The following PHC1 variants were observed in gnomAD, a reference collection of about 807,000 sequenced individuals.
PHC1 encodes polyhomeotic-like protein 1.
PHC1 carries 12 observed loss-of-function variants against 104.3 expected under a neutral mutation model. The ratio of observed to expected loss-of-function variants is 0.12; its 90% CI spans 0.07 to 0.19. The LOEUF is 0.19. Ranked by LOEUF, PHC1 falls within the 10% of genes least tolerant of loss-of-function variation. The pLI is 1.00. For synonymous variants in PHC1, 302 were observed against 455.8 expected (o/e 0.66, Z 4.30); for missense variants, 671 against 1,200.0 (o/e 0.56, Z 6.51).
chr12:8,925,498 G>C (rs530786696), intron 6 of PHC1, among the ~76,000 whole-genome samples: 14 of 152,284 alleles, frequency 9.2e-5, no homozygotes, highest in South Asian at 4.1e-4. Context: ...TTGGCATGGG[G>C]TGTAAAAGTC....
chr12:8,923,480 A>G (rs1358887806), intron 6 of PHC1, among the ~76,000 whole-genome samples: 1 of 152,146 alleles, frequency 6.6e-6, no homozygotes, highest in African/African-American at 2.4e-5. Flanking sequence ...TCATACCTGT[A>G]GGTTCTGCAT....
rs773868465 is a variant in PHC1, at chr12:8,921,621, G to A, written c.327G>A (p.Ser109=). ...CACAGATCAATCTGGCCACCACATC[G>A]GCCGCCCAGCTCATCAGCCGATCCC... ...TQASINLATT[S]AAQLISRSQS... is the part of the protein sequence containing the mutation. The change falls in exon 5 of 15, where the codon TCG becomes TCA. Residue 109 remains serine (S), a synonymous_variant. Transcript: ENST00000544916. The A allele has an allele frequency of 6.8e-6, 11 of 1,613,166 alleles. No individual in the cohort carries two copies. Among genetic ancestry groups the A allele is most frequent in the African/African-American group, 4.0e-5 (3 of 74,804 alleles).
chr12:8,917,295 T>C (rs1297665024), intron 1 of PHC1, among the ~76,000 whole-genome samples: 1 of 152,206 alleles, frequency 6.6e-6, no homozygotes, highest in Non-Finnish European at 1.5e-5. Flanking sequence ...TGGAAAGATT[T>C]TAAACTGTTA....
chr12:8,937,545 A>C (rs1945874644), intron 13 of PHC1, among the ~76,000 whole-genome samples: 1 of 152,146 alleles, frequency 6.6e-6, no homozygotes, highest in African/African-American at 2.4e-5. Context: ...ACTGTACTTG[A>C]GTACAATTGT....
chr12:8,925,053 G>T (rs1167591309), intron 6 of PHC1, among the ~76,000 whole-genome samples: 2 of 152,170 alleles, frequency 1.3e-5, no homozygotes, highest in Non-Finnish European at 2.9e-5. Flanking sequence ...TCATTCATCA[G>T]ATATTTGAGT....
chr12:8,920,339 A>G (rs934110194), intron 3 of PHC1, among the ~76,000 whole-genome samples: 1 of 152,256 alleles, frequency 6.6e-6, no homozygotes, highest in East Asian at 1.9e-4. Context: ...AAAATTATAA[A>G]TGTGGTTCAT....
intron 6 of PHC1, 85 bp from the exon 7 acceptor site, chr12:8,930,350 C>T: frequency 6.5e-7 from 1 of 1,534,800 alleles, no homozygotes; most frequent in East Asian, 2.4e-5. Flanking sequence ...GAATACGACA[C>T]AATAGCAGTC....
At chr12:8,937,783 T>TA in intron 13 of PHC1, 46 bp from the exon 14 acceptor site, 1 of 1,475,812 alleles carries the variant, frequency 6.8e-7, no homozygotes, top group Non-Finnish European at 9.5e-7. Flanking sequence ...GAGAGAGGAA[T>TA]AAACCTTTGA....
rs1419370980 is a variant in PHC1, at chr12:8,921,619, T to C, written c.325T>C (p.Ser109Pro). 26 of 1,613,666 alleles carry C rather than the reference T, an allele frequency of 1.6e-5. No individual in the cohort carries two copies. The highest frequency in any genetic ancestry group is 1.7e-4 in the Middle Eastern group (1 of 6,058). Residue 109 changes from serine to proline, a missense_variant, in exon 5 of 15, where the codon TCG (serine) becomes CCG (proline). This residue lies in a region of PHC1 where 237 missense variants were observed against 331.1 expected (regional missense o/e 0.72). Coordinates refer to ENST00000544916, the MANE Select transcript of PHC1 (RefSeq NM_004426.3). Reference sequence around the variant, plus strand: ...CACACAGATCAATCTGGCCACCACATCGGCCGCCCAGCTCATCAGCCGATC... The same window carrying C: ...CACACAGATCAATCTGGCCACCACACCGGCCGCCCAGCTCATCAGCCGATC... ...TQASINLATTSAAQLISRSQS... is the reference protein window; with the variant it reads ...TQASINLATTPAAQLISRSQS...
intron 14 of PHC1, among the ~76,000 whole-genome samples, chr12:8,938,360 ATTT>A (rs913127074): frequency 6.7e-6 from 1 of 149,714 alleles, no homozygotes; most frequent in Non-Finnish European, 1.5e-5. Flanking sequence ...TGGGGAAAAA[ATTT>A]TTTTTTTCAG....
intron 2 of PHC1, 146 bp downstream of exon 2, chr12:8,917,937 AATCTTAGG>A: frequency 1.7e-6 from 1 of 588,174 alleles, no homozygotes; most frequent in Non-Finnish European, 3.0e-6. Context: ...CAGCTCTGAG[AATCTTAGG>A]AGTTTACAAA....
chr12:8,917,578 T>C, intron 1 of PHC1, 52 bp from the exon 2 acceptor site: 1 of 522,532 alleles, frequency 1.9e-6, no homozygotes, highest in Admixed American at 4.3e-5. Context: ...TAACATGAGA[T>C]AACAGCTTGG....
At position 8,917,745 on chromosome 12, in the gene PHC1, G is replaced by A. The variant is rs779766324; in HGVS notation, c.68G>A (p.Arg23Gln). ...NGSSSSGGSS[R>Q]PQIAQMSLYE... is the part of the protein sequence containing the mutation. Reference sequence around the variant, plus strand: ...AGTTCTAGCTCAGGGGGCAGCTCTCGGCCCCAGATAGCTCAAATGTCACTT... The same window carrying A: ...AGTTCTAGCTCAGGGGGCAGCTCTCAGCCCCAGATAGCTCAAATGTCACTT... Residue 23 changes from arginine to glutamine, a missense_variant, in exon 2 of 15, where the codon CGG (arginine) becomes CAG (glutamine). Physicochemically the swap from Arg to Gln is conservative, Grantham distance 43 (BLOSUM62 1). This residue lies in a region of PHC1 where 237 missense variants were observed against 331.1 expected (regional missense o/e 0.72). Coordinates refer to ENST00000544916, the MANE Select transcript of PHC1 (RefSeq NM_004426.3). The A allele has an allele frequency of 1.5e-5, 24 of 1,577,134 alleles. No homozygotes were observed. The highest frequency in any genetic ancestry group is 2.8e-5 in the African/African-American group (2 of 72,058).
intron 11 of PHC1, among the ~76,000 whole-genome samples, 175 bp downstream of exon 11, chr12:8,935,413 G>T (rs913880643): frequency 5.3e-5 from 8 of 152,168 alleles, no homozygotes; most frequent in African/African-American, 1.9e-4. Context: ...ATCACCTGAG[G>T]TCAGGAGTTT....
intron 6 of PHC1, among the ~76,000 whole-genome samples, chr12:8,924,031 T>G (rs776231735): frequency 1.8e-4 from 28 of 152,322 alleles, no homozygotes; most frequent in African/African-American, 6.7e-4. Flanking sequence ...AACACTGCTC[T>G]GTTTTATAAA....
chr12:8,932,475 T>G, intron 7 of PHC1, 88 bp from the exon 8 acceptor site: 1 of 1,434,440 alleles, frequency 7.0e-7, no homozygotes, highest in Non-Finnish European at 9.6e-7. Context: ...AGGTTATACC[T>G]TGGAAAAATG....
In PHC1 at chr12:8,921,709, T is replaced by G; in HGVS notation, c.415T>G (p.Ser139Ala). 1 of 1,612,784 alleles carries G rather than the reference T, an allele frequency of 6.2e-7. No homozygotes were observed. Among genetic ancestry groups the G allele is most frequent in the Non-Finnish European group, 8.5e-7 (1 of 1,179,452 alleles). ...TQSVLLGNTT[S>A]PPLNQSQAQM... is the part of the protein sequence containing the mutation. ...ATCTGTGCTACTGGGGAACACCACC[T>G]CCCCACCCCTCAACCAGTCTCAGGC... Residue 139 changes from serine to alanine, a missense_variant, in exon 5 of 15, where the codon TCC becomes GCC. Ser to Ala is a moderately conservative substitution (Grantham distance 99, BLOSUM62 1). This residue lies in a region of PHC1 where 237 missense variants were observed against 331.1 expected (regional missense o/e 0.72). Coordinates refer to ENST00000544916, the MANE Select transcript of PHC1 (RefSeq NM_004426.3).
At chr12:8,928,604 A>G (rs892529105) in intron 6 of PHC1, among the ~76,000 whole-genome samples, 4 of 152,080 alleles carry the variant, frequency 2.6e-5, no homozygotes, top group African/African-American at 4.8e-5. Context: ...CCTTTTTATT[A>G]TAGAAAATTT....
intron 14 of PHC1, 81 bp downstream of exon 14, chr12:8,938,141 T>C (rs1188904967): frequency 1.8e-5 from 17 of 934,308 alleles, no homozygotes; most frequent in Non-Finnish European, 2.7e-5. Context: ...GGGAAAGTAA[T>C]TGACTTTTAA....
Sources: allele counts gnomAD v4.1 joint callset (sites outside exome capture counted in the v4.1 genomes callset), GRCh38; gene constraint gnomAD v4.1.1; regional missense constraint gnomAD v4.1.1; transcripts MANE v1.5; gene names NCBI Gene and HGNC (gene_info 2026-07-23, HGNC 2026-07-21).